SKI: variants seen among roughly 807,000 people sequenced by gnomAD.
SKI encodes the protein SKI proto-oncogene.
Under a neutral mutation model 59.3 loss-of-function variants are expected in SKI, and 23 were observed. The observed-to-expected ratio is 0.39, with a 90% CI of 0.28 to 0.55. SKI has a LOEUF of 0.55. Among genes scored for constraint, SKI ranks in the 20% least tolerant of loss-of-function variants. SKI has a pLI of 0.67. For synonymous variants in SKI, 673 were observed against 488.6 expected (o/e 1.38, Z -4.98); for missense variants, 1,017 against 1,038.9 (o/e 0.98, Z 0.29).
chr1:2,266,800 T>C (rs1210886739), intron 1 of SKI, among the ~76,000 whole-genome samples: 1 of 152,166 alleles, frequency 6.6e-6, no homozygotes, highest in Non-Finnish European at 1.5e-5. Context: ...AGCGGCCGGA[T>C]ATCTGTAGCT....
chr1:2,284,533 G>A (rs1436054420), intron 1 of SKI, among the ~76,000 whole-genome samples: 4 of 152,210 alleles, frequency 2.6e-5, no homozygotes, highest in African/African-American at 7.2e-5. Flanking sequence ...CAGCTGAGGT[G>A]CCTGGGGGGG....
intron 1 of SKI, among the ~76,000 whole-genome samples, chr1:2,271,593 G>A (rs904482589): frequency 6.6e-6 from 1 of 152,130 alleles, no homozygotes; most frequent in Non-Finnish European, 1.5e-5. Context: ...CCAGACGCTC[G>A]CCTTTTGTGC....
At chr1:2,286,141 G>A (rs1358567884) in intron 1 of SKI, among the ~76,000 whole-genome samples, 1 of 152,132 alleles carries the variant, frequency 6.6e-6, no homozygotes, top group African/African-American at 2.4e-5. Context: ...CAAAGTGCTG[G>A]GATTACAGGC....
chr1:2,278,326 G>C (rs957904533), intron 1 of SKI, among the ~76,000 whole-genome samples: 2 of 152,216 alleles, frequency 1.3e-5, no homozygotes, highest in African/African-American at 4.8e-5. Flanking sequence ...TACCTTCACT[G>C]TCCTGCTGTG....
chr1:2,302,468 C>T (rs1640448676), intron 1 of SKI, among the ~76,000 whole-genome samples: 1 of 152,210 alleles, frequency 6.6e-6, no homozygotes, highest in Admixed American at 6.5e-5. Flanking sequence ...CCCGCGACCA[C>T]CCCTGTGCCG....
chr1:2,280,654 C>T lies in SKI; in HGVS notation c.970-22324C>T, dbSNP rs1476858618. 1.6e-5 allele frequency among the ~76,000 whole-genome samples: 2 copies of T among 122,634 alleles called. 1 individual carries two copies. Among genetic ancestry groups the T allele is most frequent in the Non-Finnish European group, 3.4e-5 (2 of 58,696 alleles). The allele number at this position is 122,634 out of a possible 152,430, so 80.5% of individuals were successfully genotyped here. On this transcript the variant is annotated intron_variant, in intron 1 of 6. Transcript: ENST00000378536. ...GGCGGCGATCTTCAGAGAGAGGACA[C>T]CCGAGAAGACAGGCGGCGGCGGCGA...
intron 1 of SKI, among the ~76,000 whole-genome samples, chr1:2,287,244 C>T (rs1451022213): frequency 3.3e-5 from 5 of 151,880 alleles, no homozygotes; most frequent in South Asian, 2.1e-4. Flanking sequence ...AAGGTGGAGG[C>T]GACTTGGGAA....
chr1:2,304,733 C>T, intron 5 of SKI, 148 bp downstream of exon 5: 2 of 1,351,972 alleles, frequency 1.5e-6, no homozygotes, highest in South Asian at 1.5e-5. Flanking sequence ...CTGCCTGGGA[C>T]CTTGGGGGTC....
chr1:2,272,034 G>C lies in SKI; in HGVS notation c.970-30944G>C, dbSNP rs369649048. Among the ~76,000 whole-genome samples, 215 of 152,160 alleles carry C rather than the reference G, an allele frequency of 1.4e-3. 4 individuals are homozygous for C. Among genetic ancestry groups the C allele is most frequent in the African/African-American group, 4.7e-3 (195 of 41,536 alleles). ...GTGGGCAGGTGCAGGGGCACTGAGCGGAGGGGCTTGGGGGCCCCTGCCCGC... is the reference window on the plus strand; with the variant it reads ...GTGGGCAGGTGCAGGGGCACTGAGCCGAGGGGCTTGGGGGCCCCTGCCCGC... On this transcript the variant is annotated intron_variant, in intron 1 of 6. Transcript: ENST00000378536.
rs2100920605 is a variant in SKI at position 2,304,601 on chromosome 1, G to A, written c.1767+16G>A. On this transcript the variant is annotated intron_variant, in intron 5 of 6. Coordinates refer to ENST00000378536, the MANE Select transcript of SKI (RefSeq NM_003036.4). ...CCTCCACCAGGTGAGCGGGGCGAGTGGTGCTGGGAGGTCCAGGGCACGGGC... is the reference window on the plus strand; with the variant it reads ...CCTCCACCAGGTGAGCGGGGCGAGTAGTGCTGGGAGGTCCAGGGCACGGGC... 1.3e-6 allele frequency: 2 copies of A among 1,536,866 alleles called. No homozygotes were observed. The highest frequency in any genetic ancestry group is 1.8e-6 in the Non-Finnish European group (2 of 1,138,804).
intron 1 of SKI, among the ~76,000 whole-genome samples, chr1:2,257,359 G>C (rs1639294988): frequency 6.6e-6 from 1 of 152,276 alleles, no homozygotes; most frequent in Non-Finnish European, 1.5e-5. Flanking sequence ...GAGGGCACCT[G>C]GGAGCCCGCG....
rs1569658168 is a variant in SKI, at chr1:2,229,067, T to G, written c.301T>G (p.Cys101Gly). The stretch of plus-strand genomic sequence containing the variant: ...GCCGTCCGACCGCTCCACCGAGCGC[T>G]GCGAGACCGTACTGGAAGGCGAGAC... ...FMPSDRSTER[C>G]ETVLEGETIS... The change falls in exon 1 of 7, where the codon TGC becomes GGC. Residue 101 changes from cysteine to glycine, a missense_variant. Transcript: ENST00000378536. This position sits in a 1 kb window ranked among gnomAD's most constrained non-coding sequence, Gnocchi z 6.3. 6 of 1,607,214 alleles carry G rather than the reference T, an allele frequency of 3.7e-6. No homozygotes were observed. The highest frequency in any genetic ancestry group is 5.1e-6 in the Non-Finnish European group (6 of 1,179,762).
chr1:2,296,873 C>G (rs1640299435), intron 1 of SKI, among the ~76,000 whole-genome samples: 2 of 152,126 alleles, frequency 1.3e-5, no homozygotes, highest in East Asian at 1.9e-4. Context: ...AGCCTCGGCT[C>G]TACAGACGGT....
intron 1 of SKI, among the ~76,000 whole-genome samples, chr1:2,282,729 G>T (rs1639921103): frequency 6.6e-6 from 1 of 152,164 alleles, no homozygotes; most frequent in Non-Finnish European, 1.5e-5. Flanking sequence ...GAAAAGGTCA[G>T]GAGGCTGGGC....
At chr1:2,257,349 G>A (rs1477254552) in intron 1 of SKI, among the ~76,000 whole-genome samples, 6 of 152,264 alleles carry the variant, frequency 3.9e-5, no homozygotes, top group African/African-American at 1.4e-4. Context: ...CTGCAAGGGG[G>A]AGGGCACCTG....
At position 2,304,300 on chromosome 1, in the gene SKI, C is replaced by T. The variant is rs1201201374; in HGVS notation, c.1482C>T (p.Ser494=). 3.2e-6 allele frequency: 5 copies of T among 1,551,712 alleles called. No individual in the cohort carries two copies. In the Admixed American group the frequency reaches 9.8e-5, roughly 30 times the overall value. The part of the protein sequence containing the change: ...VEVESREEFT[S]SLSSLSSPSF... ...TCTCTGCTTCCTCCTCAGTCACCTC[C>T]TCCTTGTCCTCGCTCTCTTCCCCGT... The change falls in exon 5 of 7, where the codon TCC becomes TCT. Residue 494 remains serine (S), a synonymous_variant. Coordinates refer to ENST00000378536, the MANE Select transcript of SKI (RefSeq NM_003036.4).
At chr1:2,278,102 T>G (rs1639785893) in intron 1 of SKI, among the ~76,000 whole-genome samples, 1 of 152,224 alleles carries the variant, frequency 6.6e-6, no homozygotes, top group Admixed American at 6.5e-5. Context: ...AGGCAGGCAC[T>G]TGGGGTGGGG....
chr1:2,307,002 TCGG>T lies in SKI; in HGVS notation c.*242_*244del, dbSNP rs1163570051. On this transcript the variant is annotated 3_prime_UTR_variant, in exon 7 of 7. Transcript: ENST00000378536. ...AACTACAGCTGGAGACGGGGCCAGCTCGGCGGCCTGCTGGTCCTCTGCTTGCTG... is the reference window on the plus strand; with the variant it reads ...AACTACAGCTGGAGACGGGGCCAGCTCGGCCTGCTGGTCCTCTGCTTGCTG... 1 of 307,362 alleles carries T rather than the reference TCGG, an allele frequency of 3.3e-6. No individual in the cohort carries two copies. The highest frequency in any genetic ancestry group is 2.2e-5 in the African/African-American group (1 of 44,616). The allele number at this position is 307,362 out of a possible 1,614,324, so 19.0% of individuals were successfully genotyped here.
intron 1 of SKI, among the ~76,000 whole-genome samples, chr1:2,241,703 T>C (rs1354647340): frequency 6.6e-6 from 1 of 152,218 alleles, no homozygotes; most frequent in African/African-American, 2.4e-5. Context: ...AGGACTGTAA[T>C]TTTTTGAAGC....
Sources: allele counts gnomAD v4.1 joint callset (sites outside exome capture counted in the v4.1 genomes callset), GRCh38; gene constraint gnomAD v4.1.1; non-coding constraint Gnocchi (gnomAD v3.1); transcripts MANE v1.5; gene names NCBI Gene and HGNC (gene_info 2026-07-23, HGNC 2026-07-21).